Variants in DYNC2I1 observed in about 807,000 individuals in gnomAD.
The protein encoded by DYNC2I1 is cytoplasmic dynein 2 intermediate chain 1.
DYNC2I1 carries 89 observed loss-of-function variants against 133.4 expected under a neutral mutation model. The observed-to-expected ratio is 0.67, with a 90% CI of 0.56 to 0.80. The LOEUF is 0.80. DYNC2I1 is among the 30% of genes least tolerant of loss of function. The pLI, the probability that DYNC2I1 is intolerant of heterozygous loss-of-function variation, is 0.00. For missense variants in DYNC2I1, 1,291 were observed against 1,314.5 expected (o/e 0.98, Z 0.28); for synonymous variants, 504 against 484.3 (o/e 1.04, Z -0.54).
chr7:158,931,636 A>G lies in DYNC2I1; in HGVS notation c.2546+1121A>G, dbSNP rs79891172. Reference sequence around the variant, plus strand: ...GCTTCTCCTGTACTTAACTACACACACACTCTTTGAAGGAAAGTGTCTAAT... The same window carrying G: ...GCTTCTCCTGTACTTAACTACACACGCACTCTTTGAAGGAAAGTGTCTAAT... On this transcript the variant is annotated intron_variant, in intron 21 of 24. Coordinates refer to ENST00000407559, the MANE Select transcript of DYNC2I1 (RefSeq NM_018051.5). 7.1e-3 allele frequency among the ~76,000 whole-genome samples: 1,081 copies of G among 152,274 alleles called. 60 individuals are homozygous for G. The East Asian group carries it at 0.13, about 18-fold the overall frequency.
chr7:158,845,458 C>T, the DYNC2I1 span, among the ~76,000 whole-genome samples: 1 of 152,186 alleles, frequency 6.6e-6, no homozygotes, highest in Non-Finnish European at 1.5e-5. Context: ...TGGTTTCATA[C>T]TTAACCGTGC....
intron 1 of DYNC2I1, among the ~76,000 whole-genome samples, chr7:158,858,558 A>G (rs918012559): frequency 6.6e-6 from 1 of 152,160 alleles, no homozygotes; most frequent in African/African-American, 2.4e-5. Context: ...GCTGTTTTAA[A>G]TTTTTAAACC....
upstream of DYNC2I1, among the ~76,000 whole-genome samples, chr7:158,852,008 C>T (rs950235725): frequency 6.6e-5 from 10 of 152,176 alleles, no homozygotes; most frequent in East Asian, 1.9e-4. Context: ...CATTGGCACT[C>T]GGGCATTCCA....
intron 9 of DYNC2I1, 59 bp from the exon 10 acceptor site, chr7:158,902,317 A>C (rs1206527887): frequency 7.1e-7 from 1 of 1,410,476 alleles, no homozygotes; most frequent in African/African-American, 1.4e-5. Flanking sequence ...GTTCAGTATG[A>C]GGGATAATTG....
chr7:158,909,386 A>T (rs1847162875), intron 11 of DYNC2I1, among the ~76,000 whole-genome samples: 1 of 151,584 alleles, frequency 6.6e-6, no homozygotes, highest in Non-Finnish European at 1.5e-5. Flanking sequence ...GAGAATGTAG[A>T]GAAAAAGCTT....
At chr7:158,941,819 A>G (rs1851398731) in intron 23 of DYNC2I1, 106 bp from the exon 24 acceptor site, 1 of 1,330,298 alleles carries the variant, frequency 7.5e-7, no homozygotes, top group Non-Finnish European at 1.0e-6. Flanking sequence ...TCAAGCTGCC[A>G]TGAGCTGTGA....
intron 15 of DYNC2I1, among the ~76,000 whole-genome samples, chr7:158,920,964 C>T (rs568549168): frequency 2.0e-5 from 3 of 152,192 alleles, no homozygotes; most frequent in Non-Finnish European, 4.4e-5. Context: ...ACGCAGCCAG[C>T]AGGTCGTTCA....
chr7:158,858,394 A>G (rs955342485), intron 1 of DYNC2I1, among the ~76,000 whole-genome samples: 3 of 152,204 alleles, frequency 2.0e-5, no homozygotes, highest in Non-Finnish European at 4.4e-5. Context: ...CACTCTACTC[A>G]GGGAACAATG....
intron 2 of DYNC2I1, among the ~76,000 whole-genome samples, chr7:158,870,911 C>T (rs758911883): frequency 2.0e-5 from 3 of 152,084 alleles, no homozygotes; most frequent in Non-Finnish European, 4.4e-5. Context: ...GATATTGGGG[C>T]GCTGGTGGGC....
chr7:158,921,022 G>C (rs1038071177), intron 15 of DYNC2I1, among the ~76,000 whole-genome samples: 1 of 152,208 alleles, frequency 6.6e-6, no homozygotes, highest in Non-Finnish European at 1.5e-5. Flanking sequence ...GCACTGTCGG[G>C]GAGCTGCAGT....
At chr7:158,846,554 A>C in the DYNC2I1 span, among the ~76,000 whole-genome samples, 1 of 152,232 alleles carries the variant, frequency 6.6e-6, no homozygotes, top group Non-Finnish European at 1.5e-5. Context: ...GCTGTAATTA[A>C]AAATAAATTA....
At chr7:158,914,561 G>A (rs1373829690) in intron 14 of DYNC2I1, among the ~76,000 whole-genome samples, 1 of 152,190 alleles carries the variant, frequency 6.6e-6, no homozygotes, top group Non-Finnish European at 1.5e-5. Flanking sequence ...TATTTGGATT[G>A]TGAATTTTAT....
the DYNC2I1 span, among the ~76,000 whole-genome samples, chr7:158,841,160 T>A: frequency 0.082 from 9 of 110 alleles, no homozygotes; most frequent in East Asian, 0.25. Context: ...GGTCTGCAAA[T>A]ATATATATAT....
intron 21 of DYNC2I1, among the ~76,000 whole-genome samples, chr7:158,931,428 G>C (rs1850203441): frequency 6.6e-6 from 1 of 152,114 alleles, no homozygotes; most frequent in Non-Finnish European, 1.5e-5. Flanking sequence ...AATTATGAAA[G>C]AGAATCAATT....
intron 1 of DYNC2I1, among the ~76,000 whole-genome samples, chr7:158,865,316 G>A (rs144757517): frequency 9.1e-4 from 139 of 152,328 alleles, no homozygotes; most frequent in African/African-American, 3.0e-3. Context: ...AGTTAAATCA[G>A]TTTCATCTGT....
At chr7:158,948,591 C>T (rs988306221), downstream of DYNC2I1, among the ~76,000 whole-genome samples, 1 of 151,794 alleles carries the variant, frequency 6.6e-6, no homozygotes, top group Non-Finnish European at 1.5e-5. Flanking sequence ...GTGAAGGTGG[C>T]GCGGGGGATG....
intron 13 of DYNC2I1, 91 bp from the exon 14 acceptor site, chr7:158,914,142 A>G (rs1020752779): frequency 2.0e-6 from 2 of 1,009,302 alleles, no homozygotes; most frequent in Admixed American, 5.3e-5. Flanking sequence ...CTTAATGTTG[A>G]TTTGTTAGGC....
intron 1 of DYNC2I1, among the ~76,000 whole-genome samples, chr7:158,859,347 A>G (rs767145058): frequency 2.0e-5 from 3 of 152,088 alleles, no homozygotes; most frequent in Non-Finnish European, 4.4e-5. Flanking sequence ...CTGATGAGAT[A>G]TCTTTGTGAG....
At chr7:158,878,547 G>T (rs1459953767) in intron 4 of DYNC2I1, among the ~76,000 whole-genome samples, 1 of 139,968 alleles carries the variant, frequency 7.1e-6, no homozygotes, top group African/African-American at 2.7e-5. Flanking sequence ...CAGGAGGGCC[G>T]ACTGTGAGTG....
Sources: allele counts gnomAD v4.1 joint callset (sites outside exome capture counted in the v4.1 genomes callset), GRCh38; gene constraint gnomAD v4.1.1; transcripts MANE v1.5; gene names NCBI Gene and HGNC (gene_info 2026-07-23, HGNC 2026-07-21).